Variants in LRRK1 observed in about 807,000 individuals in gnomAD.
LRRK1 encodes leucine-rich repeat serine/threonine-protein kinase 1.
Under a neutral mutation model 209.1 loss-of-function variants are expected in LRRK1, and 113 were observed. That is an observed-to-expected ratio of 0.54 (90% CI 0.46 to 0.63). LRRK1 has a LOEUF of 0.63. Among genes scored for constraint, LRRK1 ranks in the 30% least tolerant of loss-of-function variants. LRRK1 has a pLI of 0.00. For synonymous variants in LRRK1, 1,144 were observed against 1,099.7 expected (o/e 1.04, Z -0.80); for missense variants, 2,284 against 2,632.2 (o/e 0.87, Z 2.89).
chr15:101,046,792 G>A (rs2035103492), intron 21 of LRRK1, among the ~76,000 whole-genome samples: 1 of 152,228 alleles, frequency 6.6e-6, no homozygotes, highest in South Asian at 2.1e-4. Flanking sequence ...GGTAACACGG[G>A]AGACCCCCCG....
chr15:101,040,041 A>T (rs899347465), intron 20 of LRRK1, among the ~76,000 whole-genome samples: 1 of 152,164 alleles, frequency 6.6e-6, no homozygotes, highest in African/African-American at 2.4e-5. Context: ...TTTGATGAAA[A>T]GTCTTTATGG....
At chr15:101,021,474 C>T (rs1384437822) in intron 13 of LRRK1, among the ~76,000 whole-genome samples, 3 of 152,120 alleles carry the variant, frequency 2.0e-5, no homozygotes, top group South Asian at 4.1e-4. Context: ...CAGCTACTGC[C>T]AGGGGTTCTA....
chr15:100,924,741 GCTGTGCTTATGC>G lies in LRRK1; in HGVS notation c.97+16_97+27del. On this transcript the variant is annotated intron_variant, in intron 2 of 33. Transcript: ENST00000388948. ...GGAGACGCTTAACGGTAAGGACAGG[GCTGTGCTTATGC>G]CTGCCTGGGTGTGACCTGCCATGCT... The G allele has an allele frequency of 6.2e-7, 1 of 1,602,598 alleles. No homozygotes were observed. Among genetic ancestry groups the G allele is most frequent in the Non-Finnish European group, 8.6e-7 (1 of 1,169,552 alleles).
rs61733311 is a variant in LRRK1 at position 101,029,161 on chromosome 15, G to A, written c.2892G>A (p.Thr964=). The change falls in exon 20 of 34, where the codon ACG becomes ACA. Residue 964 remains threonine (T), a synonymous_variant. Coordinates refer to ENST00000388948, the MANE Select transcript of LRRK1 (RefSeq NM_024652.6). ...LRMLLVGTGF[T]QQTEEQYFQF... is the part of the protein sequence containing the mutation. ...TGCTGCTGGTGGGGACTGGCTTCAC[G>A]CAGCAGACGGAAGAGCAGTACTTCC... 1.7e-3 allele frequency: 2,724 copies of A among 1,614,146 alleles called. 52 individuals carry two copies. The African/African-American group carries it at 0.033, about 20-fold the overall frequency.
chr15:101,057,912 G>T (rs2035905743), intron 28 of LRRK1, 78 bp from the exon 29 acceptor site: 1 of 1,490,568 alleles, frequency 6.7e-7, no homozygotes, highest in South Asian at 1.2e-5. Flanking sequence ...GGTTGGGGCT[G>T]GCTGATCTCA....
chr15:101,003,135 T>C (rs970693765), intron 6 of LRRK1, among the ~76,000 whole-genome samples: 1 of 152,260 alleles, frequency 6.6e-6, no homozygotes, highest in African/African-American at 2.4e-5. Flanking sequence ...AAATAACTTT[T>C]GTAAATCAGT....
At chr15:101,026,854 G>A (rs1431668022) in intron 17 of LRRK1, among the ~76,000 whole-genome samples, 36 of 152,192 alleles carry the variant, frequency 2.4e-4, no homozygotes, top group Admixed American at 2.4e-3. Flanking sequence ...GGCCTGGCTC[G>A]GAATACAGGA....
chr15:100,928,554 C>T (rs1201467713), intron 2 of LRRK1, among the ~76,000 whole-genome samples: 1 of 152,206 alleles, frequency 6.6e-6, no homozygotes, highest in Non-Finnish European at 1.5e-5. Context: ...GGACAGCTTT[C>T]TCATGCTTTA....
chr15:101,027,455 C>G lies in LRRK1; in HGVS notation c.2526+74C>G. 1 of 1,569,808 alleles carries G rather than the reference C, an allele frequency of 6.4e-7. No individual in the cohort carries two copies. The highest frequency in any genetic ancestry group is 8.6e-7 in the Non-Finnish European group (1 of 1,157,110). ...GTTGGGGGTCCTCACTTCCCCCTCT[C>G]TCCTGTGAAGCCCATGTCTGTGTGG... On this transcript the variant is annotated intron_variant, in intron 18 of 33. Transcript: ENST00000388948. This position sits in a 1 kb window ranked among gnomAD's most constrained non-coding sequence, Gnocchi z 5.1.
rs56289581 is a variant in LRRK1, at chr15:101,077,507, T to C, written c.*8659T>C. ...CTCTAATCAGATGTCCTGAGTCATCTCAATTCTTAGACCTTTTATACCTGT... is the reference window on the plus strand; with the variant it reads ...CTCTAATCAGATGTCCTGAGTCATCCCAATTCTTAGACCTTTTATACCTGT... On this transcript the variant is annotated 3_prime_UTR_variant, in exon 34 of 34. Coordinates refer to ENST00000388948, the MANE Select transcript of LRRK1 (RefSeq NM_024652.6). 37,198 of 152,144 alleles carry C rather than the reference T, an allele frequency of 0.24. 6,219 individuals are homozygous for C. Among genetic ancestry groups the C allele is most frequent in the East Asian group, 0.56 (2,897 of 5,176 alleles). The allele number at this position is 152,144 out of a possible 1,614,324, so 9.4% of individuals were successfully genotyped here.
Position 100,944,503 on chromosome 15 carries a change from C to T in LRRK1, c.97+19774C>T, listed in dbSNP as rs770750029. Among the ~76,000 whole-genome samples the T allele has an allele frequency of 2.1e-4, 32 of 152,298 alleles. 1 individual carries two copies. Among genetic ancestry groups the T allele is most frequent in the African/African-American group, 3.6e-4 (15 of 41,568 alleles). ...GTTTGTGGCATTTGCTTTAACCTTT[C>T]GGAGGCTACACTGTAATCACTCACT... On this transcript the variant is annotated intron_variant, in intron 2 of 33. Coordinates refer to ENST00000388948, the MANE Select transcript of LRRK1 (RefSeq NM_024652.6).
intron 2 of LRRK1, among the ~76,000 whole-genome samples, chr15:100,950,470 C>T (rs1271153010): frequency 6.6e-6 from 1 of 152,130 alleles, no homozygotes; most frequent in Non-Finnish European, 1.5e-5. Context: ...AGCTGAAATT[C>T]TTACAAAAAT....
rs1422041164 is a variant in LRRK1, at chr15:100,962,800, T to TATATAC, written c.98-10999_98-10998insCATATA. Among the ~76,000 whole-genome samples, 20 of 17,274 alleles carry TATATAC rather than the reference T, an allele frequency of 1.2e-3. 3 individuals carry two copies. Among genetic ancestry groups the TATATAC allele is most frequent in the African/African-American group, 2.1e-3 (15 of 7,272 alleles). The allele number at this position is 17,274 out of a possible 152,430, so 11.3% of individuals were successfully genotyped here. A position where few individuals can be genotyped will look rare whatever the true frequency, so the allele number is the denominator to read the frequency against. On this transcript the variant is annotated intron_variant, in intron 2 of 33. Coordinates refer to ENST00000388948, the MANE Select transcript of LRRK1 (RefSeq NM_024652.6). ...AATAAATTATTTCATTTTGCATATA[T>TATATAC]ATATATATATATATATATATATATT... is the stretch of plus-strand genomic sequence containing the variant.
rs917217462 is a variant in LRRK1, at chr15:101,012,633, A to C, written c.1419+488A>C. ...ACCAGGGGCCCTGTAGTGGACCCCC[A>C]GGCAGAGTGCCCAGGCCACCCTGCA... On this transcript the variant is annotated intron_variant, in intron 10 of 33. Transcript: ENST00000388948. Among the ~76,000 whole-genome samples the C allele has an allele frequency of 6.7e-5, 10 of 149,950 alleles. No homozygotes were observed. In the South Asian group the frequency reaches 1.7e-3, roughly 26 times the overall value.
At chr15:100,941,476 G>GTGTCTGTGTGTGTCTATGTCTC (rs1567191302) in intron 2 of LRRK1, among the ~76,000 whole-genome samples, 7 of 147,082 alleles carry the variant, frequency 4.8e-5, no homozygotes, top group Admixed American at 2.0e-4. Context: ...GTGTGTGTGT[G>GTGTCTGTGTGTGTCTATGTCTC]TGTGTGTGTG....
At chr15:101,045,858 G>A in intron 20 of LRRK1, 123 bp from the exon 21 acceptor site, 1 of 763,944 alleles carries the variant, frequency 1.3e-6, no homozygotes, top group South Asian at 1.7e-5. Context: ...CTGGGAGGAA[G>A]GAACCCAGCA....
In LRRK1 at chr15:101,024,112, G is replaced by A. The variant is rs970111368; in HGVS notation, c.2068-691G>A. ...GGACAATCCTGTGAAGGCTGAGCCC[G>A]CCGCTCTCTCTGTGGCCGGCCTCAG... On this transcript the variant is annotated intron_variant, in intron 15 of 33. Transcript: ENST00000388948. This position sits in a 1 kb window ranked among gnomAD's most constrained non-coding sequence, Gnocchi z 4.6. 2.6e-5 allele frequency among the ~76,000 whole-genome samples: 4 copies of A among 152,066 alleles called. No individual in the cohort carries two copies. The highest frequency in any genetic ancestry group is 1.9e-4 in the East Asian group (1 of 5,180).
chr15:101,062,328 T>C, intron 30 of LRRK1: 1 of 394,332 alleles, frequency 2.5e-6, no homozygotes, highest in Admixed American at 4.1e-5. Context: ...CAGATCCCAA[T>C]GTTGGTTTTC....
intron 6 of LRRK1, among the ~76,000 whole-genome samples, chr15:100,994,879 G>A (rs912156059): frequency 1.3e-5 from 2 of 152,182 alleles, no homozygotes; most frequent in Non-Finnish European, 2.9e-5. Context: ...CCGGCAGTCA[G>A]GAAGGATGAC....
Sources: gnomAD v4.1 joint callset for allele counts (sites outside exome capture counted in the v4.1 genomes callset) on GRCh38, gnomAD v4.1.1 for gene constraint, Gnocchi (gnomAD v3.1) non-coding constraint, MANE v1.5 for transcripts, NCBI Gene and HGNC (gene_info 2026-07-23, HGNC 2026-07-21) for gene names.